COL19A1: variants seen among roughly 807,000 people sequenced by gnomAD.
The protein encoded by COL19A1 is collagen type XIX alpha 1 chain.
A neutral mutation model predicts 190.2 loss-of-function variants in COL19A1; 159 were observed. The observed-to-expected ratio is 0.84, with a 90% CI of 0.73 to 0.95. The LOEUF (loss-of-function observed/expected upper bound fraction) is 0.95, where lower values mean the gene tolerates loss of function less well. Among genes scored for constraint, COL19A1 ranks in the 40% least tolerant of loss-of-function variants. The pLI, the probability that COL19A1 is intolerant of heterozygous loss-of-function variation, is 0.00. For synonymous variants in COL19A1, 509 were observed against 458.9 expected (o/e 1.11, Z -1.39); for missense variants, 1,418 against 1,431.9 (o/e 0.99, Z 0.16).
At chr6:70,104,260 G>T (rs1288429078) in intron 16 of COL19A1, among the ~76,000 whole-genome samples, 1 of 152,166 alleles carries the variant, frequency 6.6e-6, no homozygotes. Context: ...AACTTATAAA[G>T]AAAAGAGGCT....
chr6:70,177,335 G>C (rs1288493846), intron 42 of COL19A1, among the ~76,000 whole-genome samples: 1 of 151,904 alleles, frequency 6.6e-6, no homozygotes, highest in Non-Finnish European at 1.5e-5. Flanking sequence ...AGAAAGATAA[G>C]ATAAGATAAA....
chr6:69,934,855 C>T (rs570086390), intron 7 of COL19A1, among the ~76,000 whole-genome samples: 6 of 151,806 alleles, frequency 4.0e-5, no homozygotes, highest in Admixed American at 1.3e-4. Context: ...TATATAAAAG[C>T]CATTTAAATG....
intron 11 of COL19A1, among the ~76,000 whole-genome samples, chr6:69,984,075 G>T (rs952344539): frequency 6.6e-6 from 1 of 152,026 alleles, no homozygotes; most frequent in Non-Finnish European, 1.5e-5. Flanking sequence ...AAGCCACAGG[G>T]TCTGAAGGTT....
At chr6:70,060,317 T>C (rs1188776631) in intron 14 of COL19A1, among the ~76,000 whole-genome samples, 1 of 152,176 alleles carries the variant, frequency 6.6e-6, no homozygotes, top group Admixed American at 6.6e-5. Context: ...CAAATGTTTA[T>C]TGAGTTCCTT....
At chr6:70,181,736 A>T (rs754319909) in intron 44 of COL19A1, among the ~76,000 whole-genome samples, 17 of 152,096 alleles carry the variant, frequency 1.1e-4, no homozygotes, top group Non-Finnish European at 2.4e-4. Context: ...TATTATTCAA[A>T]TAGTGGGCTC....
intron 8 of COL19A1, 51 bp downstream of exon 8, chr6:69,936,961 C>T (rs747533880): frequency 1.3e-6 from 2 of 1,593,220 alleles, no homozygotes; most frequent in South Asian, 1.1e-5. Context: ...GACTATGAGC[C>T]CAGCTCCTTG....
intron 31 of COL19A1, among the ~76,000 whole-genome samples, 154 bp downstream of exon 31, chr6:70,151,592 C>G (rs1050655843): frequency 6.6e-6 from 1 of 152,034 alleles, no homozygotes; most frequent in African/African-American, 2.4e-5. Context: ...AAACATGTAT[C>G]TTATATATCT....
At chr6:70,043,354 G>A (rs1206385105) in intron 14 of COL19A1, among the ~76,000 whole-genome samples, 3 of 151,938 alleles carry the variant, frequency 2.0e-5, no homozygotes, top group Non-Finnish European at 4.4e-5. Flanking sequence ...ACTATGCCTG[G>A]CTAATTTTTT....
intron 14 of COL19A1, among the ~76,000 whole-genome samples, chr6:70,045,172 G>A (rs1298567459): frequency 6.6e-6 from 1 of 151,848 alleles, no homozygotes; most frequent in Non-Finnish European, 1.5e-5. Flanking sequence ...AATTAGCCAG[G>A]CATGGTGGTG....
chr6:70,035,880 T>C (rs1187910730), intron 13 of COL19A1, 24 bp from the exon 14 acceptor site: 9 of 1,608,088 alleles, frequency 5.6e-6, no homozygotes, highest in South Asian at 1.1e-5. Context: ...GTGGTAATTG[T>C]AGCTTTTCTT....
At chr6:70,007,717 T>G (rs1249801377) in intron 11 of COL19A1, among the ~76,000 whole-genome samples, 10 of 152,132 alleles carry the variant, frequency 6.6e-5, no homozygotes, top group Middle Eastern at 3.4e-3. Flanking sequence ...AAGCCTACAG[T>G]ACACTCATCT....
chr6:70,145,512 A>G (rs920573899), intron 25 of COL19A1, among the ~76,000 whole-genome samples: 4 of 152,100 alleles, frequency 2.6e-5, no homozygotes, highest in African/African-American at 9.6e-5. Flanking sequence ...AGCAAAAGAC[A>G]TGGGGGACTA....
chr6:70,175,820 G>A (rs1323579170), intron 41 of COL19A1, among the ~76,000 whole-genome samples: 1 of 152,096 alleles, frequency 6.6e-6, no homozygotes, highest in Admixed American at 6.5e-5. Context: ...ACATTGTCTT[G>A]CTCTCCAAGA....
In COL19A1 at chr6:70,168,057, C is replaced by T. The variant is rs1419664812; in HGVS notation, c.2478C>T (p.Ser826=). The T allele has an allele frequency of 3.1e-6, 5 of 1,597,152 alleles. No homozygotes were observed. The South Asian group carries it at 5.6e-5, about 18-fold the overall frequency. The change falls in exon 38 of 51, where the codon AGC becomes AGT. Residue 826 remains serine (S), a synonymous_variant. Coordinates refer to ENST00000620364, the MANE Select transcript of COL19A1 (RefSeq NM_001858.6). ...GIPFNERNGM[S]SLYKIKGGVN... ...CATTTAATGAACGAAACGGCATGAG[C>T]AGTTTATATAAAATTAAGGTATTTA...
chr6:70,172,979 T>C (rs1280104547), intron 41 of COL19A1, among the ~76,000 whole-genome samples: 1 of 152,174 alleles, frequency 6.6e-6, no homozygotes, highest in Non-Finnish European at 1.5e-5. Context: ...GGATATATTT[T>C]GAAGGTAGCA....
chr6:69,871,176 T>C (rs1364982232), intron 1 of COL19A1, among the ~76,000 whole-genome samples: 1 of 152,214 alleles, frequency 6.6e-6, no homozygotes, highest in Non-Finnish European at 1.5e-5. Context: ...TTGGCTTGAA[T>C]TTTTTACTCT....
chr6:69,947,228 T>C (rs1773874212), intron 9 of COL19A1, among the ~76,000 whole-genome samples: 1 of 151,844 alleles, frequency 6.6e-6, no homozygotes, highest in African/African-American at 2.4e-5. Context: ...ATATAGACTA[T>C]AAGACATACT....
At chr6:70,139,699 G>T (rs1332547613) in intron 19 of COL19A1, among the ~76,000 whole-genome samples, 1 of 152,030 alleles carries the variant, frequency 6.6e-6, no homozygotes, top group Admixed American at 6.6e-5. Context: ...ATCCCGAATG[G>T]TAACTAAAAT....
At chr6:70,007,603 A>C (rs1777712724) in intron 11 of COL19A1, among the ~76,000 whole-genome samples, 1 of 152,028 alleles carries the variant, frequency 6.6e-6, no homozygotes, top group African/African-American at 2.4e-5. Flanking sequence ...AATGAAAGAC[A>C]ATAGGCAATT....
Sources: gnomAD v4.1 joint callset for allele counts (sites outside exome capture counted in the v4.1 genomes callset) on GRCh38, gnomAD v4.1.1 for gene constraint, MANE v1.5 for transcripts, NCBI Gene and HGNC (gene_info 2026-07-23, HGNC 2026-07-21) for gene names.